Variants in CD80 observed in about 807,000 individuals in gnomAD.
The protein encoded by CD80 is T-lymphocyte activation antigen CD80.
CD80 carries 13 observed loss-of-function variants against 27.1 expected under a neutral mutation model. The observed-to-expected ratio is 0.48, with a 90% confidence interval of 0.31 to 0.76. The LOEUF (loss-of-function observed/expected upper bound fraction) is 0.76, where lower values mean the gene tolerates loss of function less well. Among genes scored for constraint, CD80 ranks in the 30% least tolerant of loss-of-function variants. The pLI is 0.04. For missense variants in CD80, 277 were observed against 347.9 expected (o/e 0.80, Z 1.62); for synonymous variants, 125 against 125.5 (o/e 1.00, Z 0.03).
At chr3:119,530,060 G>C in intron 4 of CD80, 123 bp from the exon 5 acceptor site, 1 of 628,212 alleles carries the variant, frequency 1.6e-6, no homozygotes, top group South Asian at 2.2e-5. Context: ...CCAGTATGCA[G>C]CTGCTAGCAT....
rs1473756464 is a variant in CD80, at chr3:119,544,779, G to A, written c.189C>T (p.Arg63=). 1.2e-6 allele frequency: 2 copies of A among 1,614,150 alleles called. No individual in the cohort carries two copies. The highest frequency in any genetic ancestry group is 1.7e-6 in the Non-Finnish European group (2 of 1,180,012). The change falls in exon 3 of 7, where the codon CGC becomes CGT. Residue 63 remains arginine (R), a synonymous_variant. Coordinates refer to ENST00000264246, the MANE Select transcript of CD80 (RefSeq NM_005191.4). ...TTTTCTTCTCCTTTTGCCAGTAGAT[G>A]CGAGTTTGTGCCAGCTCTTCAACAG... ...NVSVEELAQT[R]IYWQKEKKMV...
chr3:119,528,756 T>C (rs778872949), intron 5 of CD80, among the ~76,000 whole-genome samples: 2 of 151,692 alleles, frequency 1.3e-5, no homozygotes, highest in Non-Finnish European at 2.9e-5. Flanking sequence ...ACCCCGTCTC[T>C]ACTAAAAATA....
intron 2 of CD80, among the ~76,000 whole-genome samples, chr3:119,552,280 GA>G (rs2082236964): frequency 6.6e-6 from 1 of 151,890 alleles, no homozygotes; most frequent in African/African-American, 2.4e-5. Flanking sequence ...GGAGCTCGAA[GA>G]TCATCCTGGC....
chr3:119,549,486 C>T (rs1486754960), intron 2 of CD80, among the ~76,000 whole-genome samples: 1 of 152,160 alleles, frequency 6.6e-6, no homozygotes, highest in Non-Finnish European at 1.5e-5. Flanking sequence ...TCGTACTGTG[C>T]CTTCTGGGCC....
intron 2 of CD80, among the ~76,000 whole-genome samples, chr3:119,546,534 C>A (rs978626434): frequency 6.6e-6 from 1 of 151,470 alleles, no homozygotes; most frequent in Non-Finnish European, 1.5e-5. Flanking sequence ...GCAGTCATGA[C>A]GAAGAATAAG....
At chr3:119,534,972 A>G (rs1332181421) in intron 4 of CD80, among the ~76,000 whole-genome samples, 1 of 152,138 alleles carries the variant, frequency 6.6e-6, no homozygotes, top group Non-Finnish European at 1.5e-5. Flanking sequence ...CGGGCAGATC[A>G]CCTAAGGTCG....
chr3:119,527,442 C>G (rs374599124), intron 6 of CD80: 1 of 304,254 alleles, frequency 3.3e-6, no homozygotes, highest in African/African-American at 2.1e-5. Context: ...TAAGAAGTTA[C>G]CACAGGAATA....
rs976966396 is a variant in CD80 at position 119,524,606 on chromosome 3, A to G, written c.*1182T>C. 3 of 152,238 alleles carry G rather than the reference A, an allele frequency of 2.0e-5. No individual in the cohort carries two copies. The highest frequency in any genetic ancestry group is 4.4e-5 in the Non-Finnish European group (3 of 68,038). 9.4% of individuals were successfully genotyped at this position (152,238 alleles called of 1,614,324 possible). A position where few individuals can be genotyped will look rare whatever the true frequency, so the allele number is the denominator to read the frequency against. ...GCTTTAAATCCCAGCCATGTGGCTT[A>G]GCTGCCATGAGATGTGCATTTGAGA... is the stretch of plus-strand genomic sequence containing the variant. On this transcript the variant is annotated 3_prime_UTR_variant, in exon 7 of 7. Transcript: ENST00000264246.
chr3:119,540,863 A>G (rs937814024), intron 3 of CD80, among the ~76,000 whole-genome samples: 12 of 152,150 alleles, frequency 7.9e-5, no homozygotes, highest in African/African-American at 2.9e-4. Flanking sequence ...ACCCTGGACA[A>G]CATAGTGAAA....
chr3:119,548,706 C>A (rs1273775331), intron 2 of CD80, among the ~76,000 whole-genome samples: 1 of 152,156 alleles, frequency 6.6e-6, no homozygotes. Context: ...CCACCCACCC[C>A]AATCCAGCCC....
At chr3:119,546,427 T>C (rs529423962) in intron 2 of CD80, among the ~76,000 whole-genome samples, 1 of 152,300 alleles carries the variant, frequency 6.6e-6, no homozygotes, top group South Asian at 2.1e-4. Flanking sequence ...TATGTATTAT[T>C]TTCCCCATTT....
At chr3:119,537,744 G>C (rs1223380610) in intron 3 of CD80, among the ~76,000 whole-genome samples, 1 of 152,196 alleles carries the variant, frequency 6.6e-6, no homozygotes, top group Non-Finnish European at 1.5e-5. Context: ...GGAGATTGCA[G>C]TTAGCCGAGA....
At chr3:119,536,802 C>G (rs1403145414) in intron 4 of CD80, among the ~76,000 whole-genome samples, 1 of 152,218 alleles carries the variant, frequency 6.6e-6, no homozygotes, top group East Asian at 1.9e-4. Flanking sequence ...TGATGGTAGT[C>G]CCATAAAATT....
At chr3:119,527,697 C>T (rs926327867) in intron 6 of CD80, 36 bp downstream of exon 6, 25 of 1,264,292 alleles carry the variant, frequency 2.0e-5, no homozygotes, top group Non-Finnish European at 2.8e-5. Context: ...ATGATCCCCA[C>T]GATCCATGTA....
At chr3:119,544,502 G>T (rs1302313095) in intron 3 of CD80, 48 bp downstream of exon 3, 6 of 1,522,528 alleles carry the variant, frequency 3.9e-6, no homozygotes, top group Middle Eastern at 3.4e-4. Context: ...GTCTTTAAGG[G>T]CATTAAGAAT....
chr3:119,557,441 T>A (rs1336205543), intron 2 of CD80, among the ~76,000 whole-genome samples, 188 bp downstream of exon 2: 2 of 152,208 alleles, frequency 1.3e-5, no homozygotes. Context: ...GCTAACTTGC[T>A]GTGTGATGAT....
At chr3:119,528,723 A>G (rs985539909) in intron 5 of CD80, among the ~76,000 whole-genome samples, 2 of 151,956 alleles carry the variant, frequency 1.3e-5, no homozygotes. Context: ...GGAGATCAAG[A>G]CCATCCTGGC....
At chr3:119,558,266 G>A (rs76847218) in intron 1 of CD80, among the ~76,000 whole-genome samples, 66 of 152,300 alleles carry the variant, frequency 4.3e-4, no homozygotes, top group African/African-American at 1.5e-3. Context: ...CAGACAGTAA[G>A]GGTGTATTTT....
At chr3:119,536,134 C>T (rs138732628) in intron 4 of CD80, among the ~76,000 whole-genome samples, 13,310 of 151,770 alleles carry the variant, frequency 0.088, 764 homozygotes, top group Non-Finnish European at 0.12. Flanking sequence ...GCCTGTAATC[C>T]CAGCTATTCG....
Sources: gnomAD v4.1 joint callset for allele counts (sites outside exome capture counted in the v4.1 genomes callset) on GRCh38, gnomAD v4.1.1 for gene constraint, MANE v1.5 for transcripts, NCBI Gene and HGNC (gene_info 2026-07-23, HGNC 2026-07-21) for gene names.